The following MKI67 variants were observed in gnomAD, a reference collection of about 807,000 sequenced individuals.
MKI67 encodes proliferation marker protein Ki-67.
MKI67 carries 152 observed loss-of-function variants against 233.5 expected under a neutral mutation model. The observed-to-expected ratio is 0.65, with a 90% CI of 0.57 to 0.74. MKI67 has a LOEUF of 0.74. Among genes scored for constraint, MKI67 ranks in the 30% least tolerant of loss-of-function variants. MKI67 has a pLI of 0.00. For synonymous variants in MKI67, 1,465 were observed against 1,418.5 expected, an observed-to-expected ratio of 1.03 and a Z score of -0.74; for missense variants, 3,940 against 3,885.2, an observed-to-expected ratio of 1.01 and a Z score of -0.37.
At chr10:128,117,551 C>G (rs2782868) in intron 5 of MKI67, among the ~76,000 whole-genome samples, 44,445 of 151,952 alleles carry the variant, frequency 0.29, 6,607 homozygotes, top group East Asian at 0.35. Flanking sequence ...AGTCTGATGC[C>G]CCAAAGGAAG....
chr10:128,119,231 A>T (rs1420812403), intron 5 of MKI67, 22 bp downstream of exon 5: 4 of 1,559,320 alleles, frequency 2.6e-6, no homozygotes, highest in Non-Finnish European at 3.5e-6. Context: ...GAATCAGCCC[A>T]AACTTGGATA....
At chr10:128,110,618 T>C (rs1170046973) in intron 11 of MKI67, 85 bp from the exon 12 acceptor site, 9 of 1,048,092 alleles carry the variant, frequency 8.6e-6, no homozygotes, top group Non-Finnish European at 1.2e-5. Flanking sequence ...AACGTGCAAA[T>C]GGTGGGAAAT....
At position 128,107,244 on chromosome 10, in the gene MKI67, T is replaced by C. The variant is rs759532421; in HGVS notation, c.4596A>G (p.Pro1532=). The part of the protein sequence containing the change: ...EEFFALRKRT[P]SAGKAMHTPK... Reference sequence around the variant, plus strand: ...GTGTGTGCATGGCTTTGCCTGCTGATGGTGTTCGTTTCCTGAGTGCGAAGA... The same window carrying C: ...GTGTGTGCATGGCTTTGCCTGCTGACGGTGTTCGTTTCCTGAGTGCGAAGA... The change falls in exon 13 of 15, where the codon CCA becomes CCG. Residue 1532 remains proline, a synonymous_variant. Transcript: ENST00000368654. The C allele has an allele frequency of 1.9e-6, 3 of 1,614,080 alleles. No individual in the cohort carries two copies. In the Admixed American group the frequency reaches 5.0e-5, roughly 27 times the overall value.
intron 7 of MKI67, among the ~76,000 whole-genome samples, chr10:128,114,029 G>A (rs370104150): frequency 2.0e-5 from 3 of 152,126 alleles, no homozygotes; most frequent in Admixed American, 6.5e-5. Context: ...ATTCACAGGA[G>A]CCCAGTCCCG....
chr10:128,110,355 T>C, intron 12 of MKI67, 23 bp downstream of exon 12: 10 of 1,531,430 alleles, frequency 6.5e-6, no homozygotes, highest in Non-Finnish European at 8.0e-6. Context: ...AACATCACAG[T>C]GTTAGGAAAC....
Position 128,115,392 on chromosome 10 carries a change from A to C in MKI67, c.1016T>G (p.Leu339Arg), listed in dbSNP as rs144892210. The C allele has an allele frequency of 1.7e-5, 28 of 1,614,022 alleles. No individual in the cohort carries two copies. In the African/African-American group the frequency reaches 2.9e-4, roughly 17 times the overall value. Residue 339 changes from leucine to arginine, a missense_variant, in exon 7 of 15, where the codon CTC becomes CGC. Coordinates refer to ENST00000368654, the MANE Select transcript of MKI67 (RefSeq NM_002417.5). The part of the protein sequence containing the change: ...PSKAVGASFP[L>R]YEPAKMKTPV... ...GGTCTTCATTTTAGCCGGCTCATAG[A>C]GAGGAAAGCTGGCGCCCACAGCCTT... is the stretch of plus-strand genomic sequence containing the variant.
chr10:128,116,356 T>C, intron 6 of MKI67, 135 bp downstream of exon 6: 1 of 798,866 alleles, frequency 1.3e-6, no homozygotes, highest in South Asian at 1.5e-5. Context: ...GTCGTTGACA[T>C]GTTAAATGAC....
At chr10:128,102,530 C>A in intron 13 of MKI67, 49 bp downstream of exon 13, 1 of 1,578,256 alleles carries the variant, frequency 6.3e-7, no homozygotes, top group Non-Finnish European at 8.6e-7. Context: ...CACAGAAATT[C>A]ACAACTATCC....
chr10:128,105,398 TGTCTGTGTGTGTG>T lies in MKI67; in HGVS notation c.6429_6441del (p.Thr2144LysfsTer27). ...CCTTTATCCTCATCTCCTGGTACTT[TGTCTGTGTGTGTG>T]GTCTGTGTGAGCTGCTTCAGGGCTG... is the stretch of plus-strand genomic sequence containing the variant. On this transcript the variant is annotated frameshift_variant, in exon 13 of 15. Coordinates refer to ENST00000368654, the MANE Select transcript of MKI67 (RefSeq NM_002417.5). LOFTEE classifies it high-confidence loss of function. The T allele has an allele frequency of 6.2e-7, 1 of 1,614,178 alleles. No individual in the cohort carries two copies. Among genetic ancestry groups the T allele is most frequent in the South Asian group, 1.1e-5 (1 of 91,080 alleles).
chr10:128,117,422 G>A (rs776638150), intron 5 of MKI67, among the ~76,000 whole-genome samples: 1 of 152,236 alleles, frequency 6.6e-6, no homozygotes, highest in Non-Finnish European at 1.5e-5. Context: ...CAGCCTGGGA[G>A]CAGGCGCAGC....
chr10:128,121,477 ATTATT>A, intron 4 of MKI67, among the ~76,000 whole-genome samples: 1 of 137,284 alleles, frequency 7.3e-6, no homozygotes, highest in Non-Finnish European at 1.5e-5. Flanking sequence ...TATAATATAT[ATTATT>A]ATATTATATA....
rs1852512508 is a variant in MKI67, at chr10:128,106,876, GTC to G, written c.4962_4963del (p.Gln1654HisfsTer17). On this transcript the variant is annotated frameshift_variant, in exon 13 of 15. Transcript: ENST00000368654. LOFTEE classifies it high-confidence loss of function. ...GTGTGTGTGTGTAGTCTCTCCTGAT[GTC>G]TGTGTGAGCTTGCCAACTGCTAGGA... 1.2e-6 allele frequency: 2 copies of G among 1,613,894 alleles called. No individual in the cohort carries two copies. The highest frequency in any genetic ancestry group is 1.7e-6 in the Non-Finnish European group (2 of 1,180,008).
At chr10:128,117,914 C>G (rs1243562957) in intron 5 of MKI67, among the ~76,000 whole-genome samples, 1 of 152,202 alleles carries the variant, frequency 6.6e-6, no homozygotes, top group East Asian at 1.9e-4. Flanking sequence ...CAAACAGTTC[C>G]TAGACTGCTG....
chr10:128,116,109 G>T (rs1289210367), intron 6 of MKI67, 102 bp from the exon 7 acceptor site: 1 of 1,372,048 alleles, frequency 7.3e-7, no homozygotes, highest in Non-Finnish European at 9.8e-7. Flanking sequence ...TGTCTTATAA[G>T]CTAGCTTTTA....
At position 128,107,086 on chromosome 10, in the gene MKI67, A is replaced by G. The variant is rs946421165; in HGVS notation, c.4754T>C (p.Leu1585Pro). The change falls in exon 13 of 15, where the codon CTA (leucine) becomes CCA (proline). Residue 1585 changes from leucine to proline, a missense_variant. By Grantham distance (98) the Leu-to-Pro change is moderately conservative. Coordinates refer to ENST00000368654, the MANE Select transcript of MKI67 (RefSeq NM_002417.5). ...CTCTTTAAAGCCAGCCAGGTCTTCT[A>G]GAGCCTGGGCCTTTTCCTTAGGAGT... ...LQTPKEKAQALEDLAGFKELF... is the reference protein window; with the variant it reads ...LQTPKEKAQAPEDLAGFKELF... 4 of 1,613,878 alleles carry G rather than the reference A, an allele frequency of 2.5e-6. No homozygotes were observed. Among genetic ancestry groups the G allele is most frequent in the Non-Finnish European group, 3.4e-6 (4 of 1,179,996 alleles).
chr10:128,115,606 T>A lies in MKI67; in HGVS notation c.802A>T (p.Thr268Ser), dbSNP rs200233306. 11 of 1,614,182 alleles carry A rather than the reference T, an allele frequency of 6.8e-6. No homozygotes were observed. The East Asian group carries it at 2.5e-4, about 36-fold the overall frequency. Reference sequence around the variant, plus strand: ...CTTTCTTTCTCTGTTGCGTAATCAGTTTGTAATCCAGATTTTCTACAATAC... The same window carrying A: ...CTTTCTTTCTCTGTTGCGTAATCAGATTGTAATCCAGATTTTCTACAATAC... ...LQYCRKSGLQ[T>S]DYATEKESAD... Residue 268 changes from threonine to serine, a missense_variant, in exon 7 of 15, where the codon ACT becomes TCT. Coordinates refer to ENST00000368654, the MANE Select transcript of MKI67 (RefSeq NM_002417.5).
At chr10:128,121,261 T>G (rs1285470262) in intron 4 of MKI67, among the ~76,000 whole-genome samples, 1 of 150,550 alleles carries the variant, frequency 6.6e-6, no homozygotes, top group African/African-American at 2.4e-5. Flanking sequence ...TGAACATATC[T>G]CTTAGAATAA....
chr10:128,112,561 T>C, intron 8 of MKI67, 116 bp from the exon 9 acceptor site: 1 of 991,196 alleles, frequency 1.0e-6, no homozygotes, highest in South Asian at 1.6e-5. Context: ...AAGCATCAAA[T>C]GCTTAAGCCA....
chr10:128,105,781 T>A lies in MKI67; in HGVS notation c.6059A>T (p.Gln2020Leu). Residue 2020 changes from glutamine to leucine, a missense_variant, in exon 13 of 15, where the codon CAG becomes CTG. Physicochemically the swap from Gln to Leu is moderately radical, Grantham distance 113 (BLOSUM62 -2). Transcript: ENST00000368654. ...TGTCTGTGTGGTCTTCCCTGACGTC[T>A]GTGTGAGCTTGCCGACTGGTAGGAC... The part of the protein sequence containing the change: ...EEVLPVGKLT[Q>L]TSGKTTQTHR... 1 of 1,614,210 alleles carries A rather than the reference T, an allele frequency of 6.2e-7. No individual in the cohort carries two copies. The highest frequency in any genetic ancestry group is 8.5e-7 in the Non-Finnish European group (1 of 1,180,028).
Sources: gnomAD v4.1 joint callset for allele counts (sites outside exome capture counted in the v4.1 genomes callset) on GRCh38, gnomAD v4.1.1 for gene constraint, MANE v1.5 for transcripts, NCBI Gene and HGNC (gene_info 2026-07-23, HGNC 2026-07-21) for gene names.